Variants in NIN observed in about 807,000 individuals in gnomAD.
NIN encodes the protein ninein, also known as glycogen synthase kinase 3 beta-interacting protein.
Under a neutral mutation model 257.6 loss-of-function variants are expected in NIN, and 137 were observed. The ratio of observed to expected loss-of-function variants is 0.53; its 90% CI spans 0.46 to 0.61. The LOEUF (loss-of-function observed/expected upper bound fraction) is 0.61, where lower values mean the gene tolerates loss of function less well. NIN is among the 20% of genes least tolerant of loss of function. NIN has a pLI of 0.00. For synonymous variants in NIN, 918 were observed against 919.8 expected, an observed-to-expected ratio of 1.00 and a Z score of 0.04; for missense variants, 2,439 against 2,501.2, an observed-to-expected ratio of 0.98 and a Z score of 0.53.
At position 50,757,633 on chromosome 14, in the gene NIN, T is replaced by A; in HGVS notation, c.3397A>T (p.Lys1133Ter). 1.2e-6 allele frequency: 2 copies of A among 1,614,178 alleles called. No homozygotes were observed. Among genetic ancestry groups the A allele is most frequent in the South Asian group, 2.2e-5 (2 of 91,086 alleles). Residue 1133 changes from lysine (K) to a stop codon, truncating the protein, a stop_gained, in exon 18 of 31, where the codon AAG becomes TAG. Coordinates refer to ENST00000530997, the MANE Select transcript of NIN (RefSeq NM_020921.4). LOFTEE classifies it high-confidence loss of function. The part of the protein sequence containing the change: ...TEQFLQQNRT[K>*]QVEGVTRRHV... ...CGCCTGGTCACACCTTCTACTTGCT[T>A]CGTTCGGTTTTGCTGTAAAAACTGC... is the stretch of plus-strand genomic sequence containing the variant.
chr14:50,772,861 G>A (rs1186291045), intron 8 of NIN, 88 bp downstream of exon 8: 2 of 1,049,930 alleles, frequency 1.9e-6, no homozygotes, highest in East Asian at 2.4e-5. Context: ...TTAGTATTTT[G>A]CTTCAGACAA....
chr14:50,751,324 A>G (rs1263502095), intron 21 of NIN, among the ~76,000 whole-genome samples: 1 of 152,176 alleles, frequency 6.6e-6, no homozygotes, highest in Non-Finnish European at 1.5e-5. Context: ...CTAGGTACAT[A>G]TGTAATTTTG....
At chr14:50,766,446 T>A (rs748363758) in intron 13 of NIN, 50 bp from the exon 14 acceptor site, 1 of 1,536,534 alleles carries the variant, frequency 6.5e-7, no homozygotes, top group East Asian at 2.2e-5. Flanking sequence ...TGCCCTTCTT[T>A]GACCCAACAC....
intron 23 of NIN, 136 bp downstream of exon 23, chr14:50,744,107 G>T (rs182649743): frequency 4.0e-4 from 349 of 866,066 alleles, no homozygotes; most frequent in Non-Finnish European, 4.7e-4. Context: ...GTCACAGAAT[G>T]CCAAAGAAAT....
intron 5 of NIN, among the ~76,000 whole-genome samples, chr14:50,785,409 A>G (rs931797157): frequency 3.3e-5 from 5 of 152,370 alleles, no homozygotes; most frequent in African/African-American, 1.2e-4. Flanking sequence ...ACACCGGGGC[A>G]TTCTTACCCA....
intron 2 of NIN, among the ~76,000 whole-genome samples, chr14:50,825,648 C>G (rs1043683869): frequency 2.6e-5 from 4 of 152,232 alleles, no homozygotes; most frequent in Admixed American, 6.5e-5. Flanking sequence ...GATTTGCACT[C>G]TAGTGTGACA....
intron 2 of NIN, 23 bp from the exon 3 acceptor site, chr14:50,822,100 G>A (rs758790615): frequency 5.8e-6 from 9 of 1,564,850 alleles, no homozygotes; most frequent in Non-Finnish European, 7.0e-6. Flanking sequence ...CAGAGACAAG[G>A]ACAGGTTGTG....
intron 5 of NIN, among the ~76,000 whole-genome samples, chr14:50,783,489 A>G (rs2043217873): frequency 6.6e-6 from 1 of 152,082 alleles, no homozygotes; most frequent in Admixed American, 6.5e-5. Flanking sequence ...TAATGGCTAC[A>G]TTTTCATTCC....
chr14:50,798,608 C>T (rs943583315), intron 4 of NIN, among the ~76,000 whole-genome samples: 13 of 152,338 alleles, frequency 8.5e-5, no homozygotes, highest in African/African-American at 3.1e-4. Flanking sequence ...AGGATGCCTG[C>T]ATCTATAGCC....
intron 28 of NIN, among the ~76,000 whole-genome samples, chr14:50,731,618 G>A (rs1016418543): frequency 2.5e-4 from 38 of 151,490 alleles, no homozygotes; most frequent in Admixed American, 1.1e-3. Context: ...GGTGGATCAC[G>A]AGGTCAGGAG....
chr14:50,723,455 T>C lies in NIN; in HGVS notation c.*8A>G, dbSNP rs1222169607. ...AGTGCACAAATATGAGTGTACCCTT[T>C]GGTTTGGCTATGACCTCAAAGGAGG... On this transcript the variant is annotated 3_prime_UTR_variant, in exon 31 of 31. Transcript: ENST00000530997. 3.1e-6 allele frequency: 5 copies of C among 1,610,088 alleles called. No individual in the cohort carries two copies. Among genetic ancestry groups the C allele is most frequent in the Non-Finnish European group, 3.4e-6 (4 of 1,178,238 alleles).
intron 3 of NIN, among the ~76,000 whole-genome samples, chr14:50,818,753 C>T (rs1279306052): frequency 6.6e-6 from 1 of 152,128 alleles, no homozygotes; most frequent in Non-Finnish European, 1.5e-5. Flanking sequence ...AACCACCTTG[C>T]TCAGGTGAAT....
intron 6 of NIN, among the ~76,000 whole-genome samples, chr14:50,777,547 T>C (rs1175718132): frequency 6.6e-6 from 1 of 152,228 alleles, no homozygotes; most frequent in Non-Finnish European, 1.5e-5. Flanking sequence ...CTCCACTTTC[T>C]TTCCAGCCTA....
intron 9 of NIN, 89 bp downstream of exon 9, chr14:50,772,212 G>A (rs973272068): frequency 2.4e-6 from 3 of 1,235,432 alleles, no homozygotes; most frequent in Non-Finnish European, 3.4e-6. Context: ...TAAGAAGAAA[G>A]AAAATCAAAT....
In NIN at chr14:50,770,268, G is replaced by A. The variant is rs549706149; in HGVS notation, c.1434+120C>T. ...GCCAAGTCTGGGTGAAGACCCAGCT[G>A]GGCAAACTTGGAGGATTTTTGGACT... On this transcript the variant is annotated intron_variant, in intron 12 of 30. Transcript: ENST00000530997. 3.5e-5 allele frequency: 35 copies of A among 998,274 alleles called. No individual in the cohort carries two copies. In the African/African-American group the frequency reaches 4.2e-4, roughly 12 times the overall value. 61.8% of individuals were successfully genotyped at this position (998,274 alleles called of 1,614,324 possible). A position where few individuals can be genotyped will look rare whatever the true frequency, so the allele number is the denominator to read the frequency against.
intron 4 of NIN, among the ~76,000 whole-genome samples, chr14:50,803,721 TA>T (rs1015446825): frequency 2.0e-5 from 3 of 152,162 alleles, no homozygotes; most frequent in African/African-American, 4.8e-5. Flanking sequence ...TCTCCAGCCC[TA>T]AAATGCTATA....
At chr14:50,744,137 G>C (rs1399747170) in intron 23 of NIN, 106 bp downstream of exon 23, 1 of 1,270,970 alleles carries the variant, frequency 7.9e-7, no homozygotes, top group East Asian at 2.4e-5. Context: ...GGACACTCTG[G>C]AACAACAGAC....
Position 50,724,960 on chromosome 14 carries a change from C to G in NIN, c.6192+993G>C, listed in dbSNP as rs369501164. On this transcript the variant is annotated intron_variant, in intron 30 of 30. Coordinates refer to ENST00000530997, the MANE Select transcript of NIN (RefSeq NM_020921.4). ...TCTGAACCTACCATTTGGCCAAACG[C>G]TTGGCACCTTGTAAGTGCATTCTAT... 1.1e-3 allele frequency among the ~76,000 whole-genome samples: 169 copies of G among 152,294 alleles called. 3 individuals are homozygous for G. The South Asian group carries it at 0.032, about 29-fold the overall frequency.
Position 50,757,914 on chromosome 14 carries a change from A to T in NIN, c.3116T>A (p.Ile1039Lys). The change falls in exon 18 of 31, where the codon ATA (isoleucine) becomes AAA (lysine). Residue 1039 changes from isoleucine to lysine, a missense_variant. By Grantham distance (102) the Ile-to-Lys change is moderately radical. Transcript: ENST00000530997. ...ATCTCCTTCCACCTCCTCCTCTCCT[A>T]TCACCTGGCAACCACTCTGAAGCAT... ...LSMLQSGCQV[I>K]GEEEVEGDGA... The T allele has an allele frequency of 6.2e-7, 1 of 1,613,974 alleles. No homozygotes were observed.
Sources: gnomAD v4.1 joint callset for allele counts (sites outside exome capture counted in the v4.1 genomes callset) on GRCh38, gnomAD v4.1.1 for gene constraint, MANE v1.5 for transcripts, NCBI Gene and HGNC (gene_info 2026-07-23, HGNC 2026-07-21) for gene names.